The following TMEM200A variants were observed in gnomAD, a reference collection of about 807,000 sequenced individuals.
TMEM200A encodes the protein two transmembrane C.
Under a neutral mutation model 24.3 loss-of-function variants are expected in TMEM200A, and 12 were observed. The observed-to-expected ratio is 0.49, with a 90% CI of 0.32 to 0.80. The LOEUF (loss-of-function observed/expected upper bound fraction) is 0.80, where lower values mean the gene tolerates loss of function less well. Ranked by LOEUF, TMEM200A falls within the 30% of genes least tolerant of loss-of-function variation. The pLI is 0.04. For synonymous variants in TMEM200A, 224 were observed against 224.4 expected, an observed-to-expected ratio of 1.00 and a Z score of 0.02; for missense variants, 545 against 614.4, an observed-to-expected ratio of 0.89 and a Z score of 1.19.
chr6:130,387,653 T>C (rs1583184135), intron 2 of TMEM200A, among the ~76,000 whole-genome samples: 1 of 152,368 alleles, frequency 6.6e-6, no homozygotes, highest in South Asian at 2.1e-4. Context: ...ACATGGCTTC[T>C]TAAGTCTTGT....
In TMEM200A at chr6:130,435,959, C is replaced by G. The variant is rs533885892; in HGVS notation, c.-16-4448C>G. Among the ~76,000 whole-genome samples, 4 of 152,298 alleles carry G rather than the reference C, an allele frequency of 2.6e-5. No homozygotes were observed. The South Asian group carries it at 8.3e-4, about 32-fold the overall frequency. ...TGAGGCCTTCAAACTTATGTACTCC[C>G]CATGGCTTTTCACAGGTAATCATTG... On this transcript the variant is annotated intron_variant, in intron 2 of 2. Transcript: ENST00000296978.
At chr6:130,414,366 A>C (rs903815016) in intron 2 of TMEM200A, among the ~76,000 whole-genome samples, 6 of 138,826 alleles carry the variant, frequency 4.3e-5, no homozygotes, top group African/African-American at 1.6e-4. Flanking sequence ...CAGGAGGTGG[A>C]GGTTGCAGTA....
chr6:130,372,197 C>G (rs1361244830), intron 1 of TMEM200A, among the ~76,000 whole-genome samples: 5 of 152,092 alleles, frequency 3.3e-5, no homozygotes, highest in African/African-American at 1.2e-4. Context: ...AGGTCAATAT[C>G]AAGTCTGAGA....
intron 1 of TMEM200A, among the ~76,000 whole-genome samples, chr6:130,380,274 C>G (rs1236603948): frequency 1.3e-5 from 2 of 152,156 alleles, no homozygotes; most frequent in Non-Finnish European, 2.9e-5. Flanking sequence ...ATGCTGATGA[C>G]TAATATAATC....
In TMEM200A at chr6:130,442,110, C is replaced by G. The variant is rs989644087; in HGVS notation, c.*212C>G. 1 of 425,178 alleles carries G rather than the reference C, an allele frequency of 2.4e-6. No individual in the cohort carries two copies. The highest frequency in any genetic ancestry group is 4.0e-5 in the Admixed American group (1 of 24,876). 26.3% of individuals were successfully genotyped at this position (425,178 alleles called of 1,614,324 possible). ...TTACCACACATGATTTTATTTTTCT[C>G]TTCCTTTGAAAGCATGATCTCTTTT... On this transcript the variant is annotated 3_prime_UTR_variant, in exon 3 of 3. Transcript: ENST00000296978.
chr6:130,383,623 T>G (rs1263386131), intron 1 of TMEM200A, among the ~76,000 whole-genome samples: 1 of 152,194 alleles, frequency 6.6e-6, no homozygotes, highest in Non-Finnish European at 1.5e-5. Context: ...TTCCTTTTAA[T>G]TTTTAGTGTT....
chr6:130,441,354 A>T lies in TMEM200A; in HGVS notation c.932A>T (p.Asp311Val), dbSNP rs773736238. 6.2e-7 allele frequency: 1 copy of T among 1,614,162 alleles called. No homozygotes were observed. Among genetic ancestry groups the T allele is most frequent in the Non-Finnish European group, 8.5e-7 (1 of 1,180,012 alleles). ...DEPSIDNITEDADNLKSRSRN... is the reference protein window; with the variant it reads ...DEPSIDNITEVADNLKSRSRN... Reference sequence around the variant, plus strand: ...CCCAGTATAGATAACATCACTGAAGATGCTGACAACCTCAAAAGTAGGTCA... The same window carrying T: ...CCCAGTATAGATAACATCACTGAAGTTGCTGACAACCTCAAAAGTAGGTCA... The change falls in exon 3 of 3, where the codon GAT (aspartate) becomes GTT (valine). Residue 311 changes from aspartate to valine, a missense_variant. Coordinates refer to ENST00000296978, the MANE Select transcript of TMEM200A (RefSeq NM_001258277.2).
At chr6:130,437,490 A>G (rs1780050704) in intron 2 of TMEM200A, 1 of 152,160 alleles carries the variant, frequency 6.6e-6, no homozygotes, top group South Asian at 2.1e-4. Context: ...ACCCTGAGTG[A>G]TAATAGAGCC....
intron 2 of TMEM200A, among the ~76,000 whole-genome samples, chr6:130,401,259 AATT>A (rs1392700574): frequency 3.3e-5 from 5 of 151,990 alleles, no homozygotes; most frequent in Admixed American, 3.3e-4. Flanking sequence ...CACAGCAGTA[AATT>A]ATTATTTTTA....
At position 130,383,175 on chromosome 6, in the gene TMEM200A, A is replaced by T. The variant is rs79881160; in HGVS notation, c.-80-1998A>T. On this transcript the variant is annotated intron_variant, in intron 1 of 2. Coordinates refer to ENST00000296978, the MANE Select transcript of TMEM200A (RefSeq NM_001258277.2). ...CCGTAGCATCGGGCAAGACAGTTCC[A>T]CTCAACTGAGGAACACGTCATATCA... 3.0e-5 allele frequency: 15 copies of T among 496,236 alleles called. No individual in the cohort carries two copies. In the East Asian group the frequency reaches 2.1e-3, roughly 70 times the overall value. The allele number at this position is 496,236 out of a possible 1,614,324, so 30.7% of individuals were successfully genotyped here.
chr6:130,368,425 C>G (rs931371624), intron 1 of TMEM200A, among the ~76,000 whole-genome samples: 1 of 152,184 alleles, frequency 6.6e-6, no homozygotes, highest in Non-Finnish European at 1.5e-5. Context: ...ATACACGTTA[C>G]TTATCAAATA....
chr6:130,370,067 C>T (rs1481426772), intron 1 of TMEM200A, among the ~76,000 whole-genome samples: 9 of 152,200 alleles, frequency 5.9e-5, no homozygotes, highest in African/African-American at 2.2e-4. Context: ...ATGGCTGGAA[C>T]TCAGAGACTT....
At chr6:130,421,205 T>C (rs1779575963) in intron 2 of TMEM200A, 1 of 152,092 alleles carries the variant, frequency 6.6e-6, no homozygotes, top group Non-Finnish European at 1.5e-5. Context: ...TAGGGAGAAG[T>C]GGAACCATGA....
intron 2 of TMEM200A, among the ~76,000 whole-genome samples, chr6:130,431,331 G>T (rs1285483428): frequency 1.3e-5 from 2 of 152,140 alleles, no homozygotes; most frequent in African/African-American, 2.4e-5. Context: ...CAGTGGAGGG[G>T]TCTCTATAAA....
intron 2 of TMEM200A, among the ~76,000 whole-genome samples, chr6:130,387,321 G>A (rs1778732855): frequency 6.6e-6 from 1 of 152,300 alleles, no homozygotes; most frequent in South Asian, 2.1e-4. Flanking sequence ...CACCCAGGCT[G>A]GAGTGCAATG....
At chr6:130,408,114 A>G (rs1038537963) in intron 2 of TMEM200A, among the ~76,000 whole-genome samples, 4 of 152,170 alleles carry the variant, frequency 2.6e-5, no homozygotes, top group African/African-American at 4.8e-5. Context: ...GATAGTAATA[A>G]AAGTGCCCCG....
At chr6:130,394,452 A>G (rs941540876) in intron 2 of TMEM200A, among the ~76,000 whole-genome samples, 1 of 151,990 alleles carries the variant, frequency 6.6e-6, no homozygotes, top group African/African-American at 2.4e-5. Flanking sequence ...TTCTCTCCCC[A>G]CGCTGCTTCT....
chr6:130,430,021 G>A (rs987851447), intron 2 of TMEM200A, among the ~76,000 whole-genome samples: 1 of 152,112 alleles, frequency 6.6e-6, no homozygotes, highest in Admixed American at 6.6e-5. Flanking sequence ...TTGTACTGCT[G>A]GGTTTTTACC....
chr6:130,441,715 G>C lies in TMEM200A; in HGVS notation c.1293G>C (p.Met431Ile). The change falls in exon 3 of 3, where the codon ATG becomes ATC. Residue 431 changes from methionine (M) to isoleucine (I), a missense_variant. Met to Ile is a conservative substitution (Grantham distance 10, BLOSUM62 1). Transcript: ENST00000296978. Reference protein sequence around the residue: ...RLDRNNSKGYMKLENKEDPMD... With the variant: ...RLDRNNSKGYIKLENKEDPMD... The stretch of plus-strand genomic sequence containing the variant: ...ATCGGAACAACAGCAAGGGATATAT[G>C]AAACTAGAGAACAAAGAAGACCCGA... The C allele has an allele frequency of 1.2e-6, 2 of 1,614,052 alleles. No individual in the cohort carries two copies. Among genetic ancestry groups the C allele is most frequent in the Non-Finnish European group, 1.7e-6 (2 of 1,179,990 alleles).
Sources: gnomAD v4.1 joint callset for allele counts (sites outside exome capture counted in the v4.1 genomes callset) on GRCh38, gnomAD v4.1.1 for gene constraint, MANE v1.5 for transcripts, NCBI Gene and HGNC (gene_info 2026-07-23, HGNC 2026-07-21) for gene names.